Variants in DLGAP2 observed in about 807,000 individuals in gnomAD.
The protein encoded by DLGAP2 is disks large-associated protein 2.
Under a neutral mutation model 100.3 loss-of-function variants are expected in DLGAP2, and 26 were observed. The ratio of observed to expected loss-of-function variants is 0.26; its 90% CI spans 0.19 to 0.36. The LOEUF (loss-of-function observed/expected upper bound fraction) is 0.36. Ranked by LOEUF, DLGAP2 falls within the 10% of genes least tolerant of loss-of-function variation. DLGAP2 has a pLI of 1.00. For missense variants in DLGAP2, 1,858 were observed against 1,453.2 expected, an observed-to-expected ratio of 1.28 and a Z score of -4.53; for synonymous variants, 886 against 630.1, an observed-to-expected ratio of 1.41 and a Z score of -6.08.
At chr8:1,090,380 C>G (rs116959308) in intron 2 of DLGAP2, among the ~76,000 whole-genome samples, 1 of 131,948 alleles carries the variant, frequency 7.6e-6, no homozygotes, top group Non-Finnish European at 1.8e-5. Flanking sequence ...AAACTCACAC[C>G]CCGAGGACCT....
intron 2 of DLGAP2, among the ~76,000 whole-genome samples, chr8:973,303 C>G (rs1021879475): frequency 1.3e-5 from 2 of 151,866 alleles, no homozygotes; most frequent in Middle Eastern, 3.2e-3. Flanking sequence ...GGGCTGTCCC[C>G]CCACCTCCCA....
chr8:835,909 A>C (rs1007926886), intron 1 of DLGAP2, among the ~76,000 whole-genome samples: 2 of 152,058 alleles, frequency 1.3e-5, no homozygotes, highest in Non-Finnish European at 2.9e-5. Context: ...CGTAACTGTG[A>C]TGTTTGTGTA....
At chr8:1,318,798 C>A (rs1346577849) in intron 3 of DLGAP2, among the ~76,000 whole-genome samples, 1 of 134,864 alleles carries the variant, frequency 7.4e-6, no homozygotes, top group Non-Finnish European at 1.6e-5. Flanking sequence ...CGCCCCCTCG[C>A]CCATCCTTGG....
At chr8:1,669,115 G>T (rs1798623478) in intron 9 of DLGAP2, among the ~76,000 whole-genome samples, 1 of 152,186 alleles carries the variant, frequency 6.6e-6, no homozygotes, top group Non-Finnish European at 1.5e-5. Context: ...AAGGTGCTGG[G>T]AATGAAGAGG....
intron 3 of DLGAP2, among the ~76,000 whole-genome samples, chr8:1,272,128 A>G (rs1417251904): frequency 6.6e-6 from 1 of 152,216 alleles, no homozygotes; most frequent in Non-Finnish European, 1.5e-5. Context: ...GAATGATTTC[A>G]TTATTCTCCG....
intron 2 of DLGAP2, among the ~76,000 whole-genome samples, chr8:1,234,769 C>T (rs1798607585): frequency 6.6e-6 from 1 of 152,198 alleles, no homozygotes; most frequent in South Asian, 2.1e-4. Flanking sequence ...GATCAAGCTG[C>T]CTCTGCCTTG....
intron 2 of DLGAP2, chr8:1,137,224 T>A (rs940673336): frequency 7.2e-5 from 11 of 152,304 alleles, no homozygotes; most frequent in African/African-American, 2.7e-4. Flanking sequence ...TCTGTTCCCC[T>A]TGTTACAAAG....
chr8:919,335 C>A (rs539803765), intron 2 of DLGAP2, among the ~76,000 whole-genome samples: 1 of 152,114 alleles, frequency 6.6e-6, no homozygotes, highest in African/African-American at 2.4e-5. Flanking sequence ...CATCAGGCCG[C>A]GACGGGCAGG....
At chr8:999,610 C>A (rs1800884816) in intron 2 of DLGAP2, among the ~76,000 whole-genome samples, 1 of 151,806 alleles carries the variant, frequency 6.6e-6, no homozygotes. Flanking sequence ...TCCTGAGTAG[C>A]TGGGATTACA....
Position 1,189,614 on chromosome 8 carries a change from C to T in DLGAP2, c.74-69237C>T, listed in dbSNP as rs75376696. Among the ~76,000 whole-genome samples, 645 of 152,324 alleles carry T rather than the reference C, an allele frequency of 4.2e-3. 2 individuals carry two copies. The highest frequency in any genetic ancestry group is 0.015 in the African/African-American group (622 of 41,574). On this transcript the variant is annotated intron_variant, in intron 2 of 14. Coordinates refer to ENST00000637795, the MANE Select transcript of DLGAP2 (RefSeq NM_001346810.2). ...GAAACAGTATTTTTTGTCATTCAAG[C>T]ACGTTTAGCAGTTGACGTGTGACAT...
chr8:1,225,480 GAA>G (rs1285553642), intron 2 of DLGAP2, among the ~76,000 whole-genome samples: 4 of 152,192 alleles, frequency 2.6e-5, no homozygotes, highest in Non-Finnish European at 5.9e-5. Context: ...TTGGACTGAT[GAA>G]AAACGTCTTG....
chr8:861,800 C>T (rs1253954708), intron 1 of DLGAP2, among the ~76,000 whole-genome samples: 4 of 152,198 alleles, frequency 2.6e-5, no homozygotes, highest in East Asian at 3.9e-4. Context: ...CCTAACCTCC[C>T]GGTGGAAATG....
In DLGAP2 at chr8:829,018, TTTAAAG is replaced by T. The variant is rs1213409989; in HGVS notation, c.19-78892_19-78887del. On this transcript the variant is annotated intron_variant, in intron 1 of 14. Transcript: ENST00000637795. ...AGGGTTTGGGAATGGCTTCTAATTT[TTTAAAG>T]TGTGTTTAGCTTTGACAAACCTGAT... Among the ~76,000 whole-genome samples the T allele has an allele frequency of 4.6e-5, 7 of 152,362 alleles. No individual in the cohort carries two copies. The East Asian group carries it at 1.3e-3, about 29-fold the overall frequency.
At chr8:1,543,507 G>A (rs976552285) in intron 4 of DLGAP2, among the ~76,000 whole-genome samples, 1 of 152,206 alleles carries the variant, frequency 6.6e-6, no homozygotes, top group African/African-American at 2.4e-5. Context: ...GCAGGTGCAT[G>A]TCTGGACTCC....
chr8:753,819 A>G (rs1585826433), intron 1 of DLGAP2: 1 of 152,364 alleles, frequency 6.6e-6, no homozygotes, highest in Non-Finnish European at 1.5e-5. Context: ...GTCTTAAAAA[A>G]TCCTGCACAG....
intron 2 of DLGAP2, among the ~76,000 whole-genome samples, chr8:1,249,912 G>A (rs1798999243): frequency 6.6e-6 from 1 of 152,154 alleles, no homozygotes; most frequent in Non-Finnish European, 1.5e-5. Flanking sequence ...AGAGAGTCTT[G>A]CTCTGTCACC....
intron 4 of DLGAP2, among the ~76,000 whole-genome samples, chr8:1,508,862 G>T (rs972610471): frequency 1.3e-5 from 2 of 151,876 alleles, no homozygotes; most frequent in Non-Finnish European, 2.9e-5. Context: ...AGGATCTCCA[G>T]AGGGGATCAT....
At chr8:964,409 C>G (rs1584928864) in intron 2 of DLGAP2, among the ~76,000 whole-genome samples, 2 of 152,240 alleles carry the variant, frequency 1.3e-5, no homozygotes, top group African/African-American at 4.8e-5. Context: ...TCTGTGTAGA[C>G]ACACAATTCT....
At chr8:826,114 A>G (rs568117670) in intron 1 of DLGAP2, among the ~76,000 whole-genome samples, 1 of 152,356 alleles carries the variant, frequency 6.6e-6, no homozygotes, top group African/African-American at 2.4e-5. Flanking sequence ...ACATAACACA[A>G]TCAACTCCAG....
Sources: allele counts gnomAD v4.1 joint callset (sites outside exome capture counted in the v4.1 genomes callset), GRCh38; gene constraint gnomAD v4.1.1; transcripts MANE v1.5; gene names NCBI Gene and HGNC (gene_info 2026-07-23, HGNC 2026-07-21).